The following IL1RAPL1 variants were observed in gnomAD, a reference collection of about 807,000 sequenced individuals.
IL1RAPL1 encodes interleukin-1 receptor accessory protein-like 1.
In IL1RAPL1, 3 loss-of-function variants were observed where a neutral mutation model predicts 48.4. That is an observed-to-expected ratio of 0.06 (90% CI 0.03 to 0.16). The LOEUF (loss-of-function observed/expected upper bound fraction) is 0.16, where lower values mean the gene tolerates loss of function less well. IL1RAPL1 is among the 10% of genes least tolerant of loss of function. IL1RAPL1 has a pLI of 1.00. For synonymous variants in IL1RAPL1, 185 were observed against 187.7 expected (o/e 0.99, Z 0.12); for missense variants, 349 against 530.6 (o/e 0.66, Z 3.36).
At chrX:29,229,803 C>A (rs1805660688) in intron 2 of IL1RAPL1, among the ~76,000 whole-genome samples, 1 of 111,965 alleles carries the variant, frequency 8.9e-6, no homozygotes, top group Non-Finnish European at 1.9e-5. Context: ...CTTTCTTATG[C>A]TTTCAGAATA....
At chrX:29,562,094 T>C (rs928673210) in intron 5 of IL1RAPL1, among the ~76,000 whole-genome samples, 8 of 69,310 alleles carry the variant, frequency 1.2e-4, no homozygotes, top group Admixed American at 2.8e-4. Flanking sequence ...TCTATCTGTC[T>C]ATCTATCTAT....
chrX:29,552,355 C>T (rs1437210582), intron 5 of IL1RAPL1, among the ~76,000 whole-genome samples: 1 of 110,988 alleles, frequency 9.0e-6, no homozygotes, highest in African/African-American at 3.3e-5. Flanking sequence ...CCCTTGGCCC[C>T]TACAGTTTTA....
chrX:29,208,159 G>A lies in IL1RAPL1; in HGVS notation c.83-74779G>A, dbSNP rs750698217. Among the ~76,000 whole-genome samples the A allele has an allele frequency of 2.1e-4, 23 of 111,508 alleles. No individual in the cohort carries two copies. The South Asian group carries it at 8.2e-3, about 40-fold the overall frequency. On this transcript the variant is annotated intron_variant, in intron 2 of 10. Coordinates refer to ENST00000378993, the MANE Select transcript of IL1RAPL1 (RefSeq NM_014271.4). ...AATCATGCAAATAAGATTCATATTA[G>A]AAATCTTGTGTCCCAACTCTGGTTT...
At chrX:29,287,499 A>C (rs1193673935) in intron 3 of IL1RAPL1, among the ~76,000 whole-genome samples, 2 of 112,548 alleles carry the variant, frequency 1.8e-5, no homozygotes, top group African/African-American at 3.2e-5. Flanking sequence ...GAAAGAACCA[A>C]ACTATTTTTC....
chrX:29,060,165 A>G (rs1267291765), intron 2 of IL1RAPL1, among the ~76,000 whole-genome samples: 1 of 112,089 alleles, frequency 8.9e-6, no homozygotes, highest in Admixed American at 9.5e-5. Flanking sequence ...TGGCAATTTG[A>G]GTAGTTAAGA....
chrX:28,947,556 G>T (rs540636550), intron 2 of IL1RAPL1, among the ~76,000 whole-genome samples: 21 of 110,629 alleles, frequency 1.9e-4, no homozygotes, highest in South Asian at 1.6e-3. Context: ...CCTGTCGTGG[G>T]GTGGGAGGAT....
intron 2 of IL1RAPL1, among the ~76,000 whole-genome samples, chrX:28,973,201 T>C: frequency 1.8e-5 from 2 of 112,157 alleles, no homozygotes; most frequent in Middle Eastern, 9.2e-3. Flanking sequence ...CCATGACTGC[T>C]TGAAAACAGA....
chrX:29,620,694 A>G (rs1360951565), intron 5 of IL1RAPL1, among the ~76,000 whole-genome samples: 1 of 112,326 alleles, frequency 8.9e-6, no homozygotes, highest in African/African-American at 3.2e-5. Context: ...TTGTAGAAGA[A>G]ACCTTCAGTA....
At chrX:29,270,647 A>G (rs1225735824) in intron 2 of IL1RAPL1, among the ~76,000 whole-genome samples, 1 of 112,006 alleles carries the variant, frequency 8.9e-6, no homozygotes, top group Non-Finnish European at 1.9e-5. Context: ...TATCTTGATG[A>G]CAAGACTTTG....
At chrX:29,750,417 A>AT (rs11449128) in intron 6 of IL1RAPL1, among the ~76,000 whole-genome samples, 16,769 of 111,237 alleles carry the variant, frequency 0.15, 1,278 homozygotes, top group African/African-American at 0.29. Flanking sequence ...AAGATATTTA[A>AT]TTTTATAGGT....
intron 1 of IL1RAPL1, among the ~76,000 whole-genome samples, chrX:28,694,310 A>C (rs1202652523): frequency 8.9e-6 from 1 of 111,783 alleles, no homozygotes; most frequent in Non-Finnish European, 1.9e-5. Flanking sequence ...GGTCATGTTC[A>C]TTTTTCAACA....
At chrX:29,143,256 A>G (rs186661073) in intron 2 of IL1RAPL1, among the ~76,000 whole-genome samples, 41 of 111,444 alleles carry the variant, frequency 3.7e-4, no homozygotes, top group Admixed American at 1.5e-3. Flanking sequence ...GACATGGACA[A>G]TCACACTTTT....
At chrX:29,299,986 C>T (rs924207009) in intron 3 of IL1RAPL1, among the ~76,000 whole-genome samples, 1 of 111,272 alleles carries the variant, frequency 9.0e-6, no homozygotes, top group Admixed American at 9.6e-5. Flanking sequence ...GCACATCCAC[C>T]TTTTTTCTCT....
intron 2 of IL1RAPL1, among the ~76,000 whole-genome samples, chrX:29,258,165 A>AT (rs1931787569): frequency 9.0e-6 from 1 of 111,338 alleles, no homozygotes; most frequent in South Asian, 3.7e-4. Flanking sequence ...AAAAAGCTGC[A>AT]TATAATTGCC....
At chrX:29,282,366 G>C (rs1002825940) in intron 2 of IL1RAPL1, among the ~76,000 whole-genome samples, 1 of 112,205 alleles carries the variant, frequency 8.9e-6, no homozygotes, top group Admixed American at 9.5e-5. Context: ...AGCAGAACTT[G>C]TCAGAAATCT....
intron 1 of IL1RAPL1, among the ~76,000 whole-genome samples, chrX:28,775,381 C>A: frequency 8.9e-6 from 1 of 111,965 alleles, no homozygotes; most frequent in Non-Finnish European, 1.9e-5. Flanking sequence ...TACATCACTT[C>A]AATCTCTGCC....
At chrX:28,672,957 C>T (rs1026688792) in intron 1 of IL1RAPL1, among the ~76,000 whole-genome samples, 10 of 111,452 alleles carry the variant, frequency 9.0e-5, no homozygotes, top group African/African-American at 2.0e-4. Context: ...TCCTCCCACC[C>T]TCCACCTTCT....
At chrX:29,766,066 C>T (rs891201319) in intron 6 of IL1RAPL1, among the ~76,000 whole-genome samples, 1 of 108,599 alleles carries the variant, frequency 9.2e-6, no homozygotes, top group African/African-American at 3.4e-5. Context: ...CGCGGTGGCT[C>T]ACGACTGTAA....
chrX:29,484,967 C>T (rs1267354582), intron 5 of IL1RAPL1, among the ~76,000 whole-genome samples: 1 of 111,890 alleles, frequency 8.9e-6, no homozygotes, highest in Non-Finnish European at 1.9e-5. Context: ...AAATAAATGC[C>T]TGTACAATCA....
Sources: allele counts gnomAD v4.1 joint callset (sites outside exome capture counted in the v4.1 genomes callset), GRCh38; gene constraint gnomAD v4.1.1; transcripts MANE v1.5; gene names NCBI Gene and HGNC (gene_info 2026-07-23, HGNC 2026-07-21).